Variants in ZPBP2 observed in about 807,000 individuals in gnomAD.
ZPBP2 encodes zona pellucida-binding protein 2.
In ZPBP2, 34 loss-of-function variants were observed where a neutral mutation model predicts 37.5. The observed-to-expected ratio is 0.91, with a 90% CI of 0.69 to 1.21. ZPBP2 has a LOEUF of 1.21. Ranked by LOEUF, ZPBP2 falls within the 50% of genes most tolerant of loss-of-function variation. The pLI, the probability that ZPBP2 is intolerant of heterozygous loss-of-function variation, is 0.00. For missense variants in ZPBP2, 397 were observed against 413.5 expected (o/e 0.96, Z 0.35); for synonymous variants, 143 against 138.4 (o/e 1.03, Z -0.23).
At chr17:39,875,050 A>G (rs1361568602) in intron 6 of ZPBP2, among the ~76,000 whole-genome samples, 1 of 152,210 alleles carries the variant, frequency 6.6e-6, no homozygotes, top group African/African-American at 2.4e-5. Context: ...CTCCCAGCCA[A>G]TTTTTCTTAA....
intron 7 of ZPBP2, among the ~76,000 whole-genome samples, chr17:39,875,987 C>T (rs1344017297): frequency 6.9e-6 from 1 of 144,158 alleles, no homozygotes; most frequent in African/African-American, 2.6e-5. Flanking sequence ...CTTATGGCAA[C>T]TCTGCCTCCC....
At chr17:39,869,404 TC>T (rs1426544954) in intron 2 of ZPBP2, among the ~76,000 whole-genome samples, 1 of 140,598 alleles carries the variant, frequency 7.1e-6, no homozygotes, top group Admixed American at 7.0e-5. Context: ...CTTCCTTCCT[TC>T]TTTTTTTTTT....
At chr17:39,869,984 G>A (rs2063356068) in intron 2 of ZPBP2, among the ~76,000 whole-genome samples, 1 of 152,046 alleles carries the variant, frequency 6.6e-6, no homozygotes, top group Non-Finnish European at 1.5e-5. Context: ...AAAGTGCTGG[G>A]ATTACAGGCA....
Position 39,875,280 on chromosome 17 carries a change from T to C in ZPBP2, c.735T>C (p.Phe245=). The part of the protein sequence containing the change: ...LQARDRIEDF[F]RSQAYIFYHN... Reference sequence around the variant, plus strand: ...CAAGAGATCGAATAGAAGACTTTTTTCGGAGCCAAGCATATATTTTCTACC... The same window carrying C: ...CAAGAGATCGAATAGAAGACTTTTTCCGGAGCCAAGCATATATTTTCTACC... Residue 245 remains phenylalanine (F), a synonymous_variant, in exon 7 of 8, where the codon TTT becomes TTC. Transcript: ENST00000348931. The C allele has an allele frequency of 6.2e-7, 1 of 1,611,592 alleles. No homozygotes were observed. The highest frequency in any genetic ancestry group is 8.5e-7 in the Non-Finnish European group (1 of 1,179,352).
intron 2 of ZPBP2, 57 bp downstream of exon 2, chr17:39,868,671 T>G: frequency 2.5e-6 from 4 of 1,596,284 alleles, no homozygotes; most frequent in Non-Finnish European, 3.4e-6. Flanking sequence ...TGCGAAGCTC[T>G]TCCCGGAAGA....
chr17:39,875,307 T>C lies in ZPBP2; in HGVS notation c.762T>C (p.His254=). ...GGAGCCAAGCATATATTTTCTACCA[T>C]AACTTTAATAAAACTCTACCAGCAA... ...FFRSQAYIFY[H]NFNKTLPAMH... Residue 254 remains histidine (H), a synonymous_variant, in exon 7 of 8, where the codon CAT becomes CAC. Coordinates refer to ENST00000348931, the MANE Select transcript of ZPBP2 (RefSeq NM_199321.3). 1 of 1,614,008 alleles carries C rather than the reference T, an allele frequency of 6.2e-7. No individual in the cohort carries two copies. Among genetic ancestry groups the C allele is most frequent in the Non-Finnish European group, 8.5e-7 (1 of 1,179,978 alleles).
rs75851566 is a variant in ZPBP2, at chr17:39,868,916, A to G, written c.118+302A>G. On this transcript the variant is annotated intron_variant, in intron 2 of 7. Transcript: ENST00000348931. ...GCTTTGCAACGCGGGAAACCCACGC[A>G]AAGGAGTGATTTCCAAGGCCTTCTG... Among the ~76,000 whole-genome samples, 741 of 152,308 alleles carry G rather than the reference A, an allele frequency of 4.9e-3. 7 individuals are homozygous for G. The highest frequency in any genetic ancestry group is 0.017 in the African/African-American group (721 of 41,560).
rs2063384357 is a variant in ZPBP2, at chr17:39,875,320, A to T, written c.775A>T (p.Thr259Ser). 4.3e-6 allele frequency: 7 copies of T among 1,613,834 alleles called. No homozygotes were observed. The highest frequency in any genetic ancestry group is 5.9e-6 in the Non-Finnish European group (7 of 1,179,908). Reference protein sequence around the residue: ...AYIFYHNFNKTLPAMHFVDHS... With the variant: ...AYIFYHNFNKSLPAMHFVDHS... ...TATTTTCTACCATAACTTTAATAAA[A>T]CTCTACCAGCAATGCATTTTGTGGA... The change falls in exon 7 of 8, where the codon ACT (threonine) becomes TCT (serine). Residue 259 changes from threonine (T) to serine (S), a missense_variant. Transcript: ENST00000348931.
At chr17:39,875,946 C>T (rs1467794420) in intron 7 of ZPBP2, among the ~76,000 whole-genome samples, 1 of 95,900 alleles carries the variant, frequency 1.0e-5, no homozygotes, top group East Asian at 2.8e-4. Context: ...ACCCAGGCTG[C>T]AGTGCAGTGT....
intron 2 of ZPBP2, 117 bp from the exon 3 acceptor site, chr17:39,870,577 A>T (rs2063360248): frequency 1.8e-6 from 1 of 568,376 alleles, no homozygotes; most frequent in Non-Finnish European, 2.7e-6. Flanking sequence ...ATTGATTTTT[A>T]AAATAGTGAA....
At chr17:39,875,924 T>C (rs1598264904) in intron 7 of ZPBP2, among the ~76,000 whole-genome samples, 1 of 93,940 alleles carries the variant, frequency 1.1e-5, no homozygotes, top group South Asian at 3.7e-4. Flanking sequence ...TGAGATGGAG[T>C]CTGGCTCTGT....
chr17:39,876,548 T>G (rs2063391471), intron 7 of ZPBP2, 134 bp from the exon 8 acceptor site: 1 of 919,732 alleles, frequency 1.1e-6, no homozygotes, highest in African/African-American at 1.7e-5. Flanking sequence ...GGCTGAACAT[T>G]ACCTGGTATA....
chr17:39,870,185 A>G (rs1026918927), intron 2 of ZPBP2, among the ~76,000 whole-genome samples: 2 of 152,080 alleles, frequency 1.3e-5, no homozygotes, highest in Non-Finnish European at 2.9e-5. Flanking sequence ...CTGGGATTAT[A>G]GGCCCACATT....
At chr17:39,874,671 G>A (rs2063380998) in intron 6 of ZPBP2, among the ~76,000 whole-genome samples, 1 of 148,726 alleles carries the variant, frequency 6.7e-6, no homozygotes, top group Non-Finnish European at 1.5e-5. Context: ...GGCCTCAAGT[G>A]ATCCGCCCAC....
Position 39,872,288 on chromosome 17 carries a change from A to T in ZPBP2, c.425A>T (p.Tyr142Phe), listed in dbSNP as rs556008576. 25 of 1,603,640 alleles carry T rather than the reference A, an allele frequency of 1.6e-5. No individual in the cohort carries two copies. In the African/African-American group the frequency reaches 3.0e-4, roughly 19 times the overall value. Residue 142 changes from tyrosine to phenylalanine, a missense_variant, in exon 5 of 8, where the codon TAT becomes TTT. Tyr to Phe is a conservative substitution (Grantham distance 22). Coordinates refer to ENST00000348931, the MANE Select transcript of ZPBP2 (RefSeq NM_199321.3). The part of the protein sequence containing the change: ...FMVFAYREPD[Y>F]SYQMAVRFTT... Reference sequence around the variant, plus strand: ...TTTAAAGCCTATCGGGAACCTGATTATTCATATCAGATGGCTGTACGTTTT... The same window carrying T: ...TTTAAAGCCTATCGGGAACCTGATTTTTCATATCAGATGGCTGTACGTTTT...
chr17:39,876,955 G>C lies in ZPBP2; in HGVS notation c.*146G>C. The C allele has an allele frequency of 4.1e-6, 4 of 967,202 alleles. No homozygotes were observed. The highest frequency in any genetic ancestry group is 6.1e-6 in the Non-Finnish European group (4 of 658,928). The allele number at this position is 967,202 out of a possible 1,614,324, so 59.9% of individuals were successfully genotyped here. ...CATTTTGGAAACTTTAAAATAAATG[G>C]TTAACATGGCATTTCTAAGAAGGCA... On this transcript the variant is annotated 3_prime_UTR_variant, in exon 8 of 8. Coordinates refer to ENST00000348931, the MANE Select transcript of ZPBP2 (RefSeq NM_199321.3).
chr17:39,875,651 T>C (rs1045483794), intron 7 of ZPBP2, among the ~76,000 whole-genome samples: 4 of 151,370 alleles, frequency 2.6e-5, no homozygotes, highest in African/African-American at 7.3e-5. Context: ...CATGCTGGAG[T>C]GCAGTGGCGT....
intron 6 of ZPBP2, among the ~76,000 whole-genome samples, chr17:39,873,399 TAAG>T (rs1421849984): frequency 6.6e-6 from 1 of 152,216 alleles, no homozygotes; most frequent in Non-Finnish European, 1.5e-5. Context: ...AAATCATTTC[TAAG>T]GAGGAAAAAT....
At chr17:39,872,995 G>A in intron 5 of ZPBP2, 49 bp from the exon 6 acceptor site, 1 of 1,552,498 alleles carries the variant, frequency 6.4e-7, no homozygotes. Context: ...TGAAATGTTT[G>A]GAACTTTTCA....
Sources: gnomAD v4.1 joint callset for allele counts (sites outside exome capture counted in the v4.1 genomes callset) on GRCh38, gnomAD v4.1.1 for gene constraint, MANE v1.5 for transcripts, NCBI Gene and HGNC (gene_info 2026-07-23, HGNC 2026-07-21) for gene names.